The following RICTOR variants were observed in gnomAD, a reference collection of about 807,000 sequenced individuals.
The protein encoded by RICTOR is RPTOR independent companion of MTOR complex 2.
A neutral mutation model predicts 214.9 loss-of-function variants in RICTOR; 49 were observed. The observed-to-expected ratio is 0.23, with a 90% CI of 0.18 to 0.29. The LOEUF (loss-of-function observed/expected upper bound fraction) is 0.29. RICTOR is among the 10% of genes least tolerant of loss of function. RICTOR has a pLI of 1.00. For synonymous variants in RICTOR, 717 were observed against 711.3 expected, an observed-to-expected ratio of 1.01 and a Z score of -0.13; for missense variants, 1,625 against 2,047.0, an observed-to-expected ratio of 0.79 and a Z score of 3.98.
chr5:39,054,339 C>A (rs893105931), intron 2 of RICTOR, among the ~76,000 whole-genome samples: 2 of 151,644 alleles, frequency 1.3e-5, no homozygotes, highest in Non-Finnish European at 2.9e-5. Flanking sequence ...ATAGGTGGGA[C>A]GACAGTGGCA....
rs569665290 is a variant in RICTOR at position 38,992,604 on chromosome 5, T to C, written c.457-1529A>G. 3.8e-3 allele frequency among the ~76,000 whole-genome samples: 572 copies of C among 152,320 alleles called. 5 individuals are homozygous for C. The highest frequency in any genetic ancestry group is 0.013 in the African/African-American group (546 of 41,576). On this transcript the variant is annotated intron_variant, in intron 6 of 37. Transcript: ENST00000357387. ...CTAAAGTTTCAAGTATAAAATTCTA[T>C]ATAAATCTTGTGTCTACTAAACATA...
chr5:39,054,880 T>A (rs971705707), intron 2 of RICTOR, among the ~76,000 whole-genome samples: 1 of 152,326 alleles, frequency 6.6e-6, no homozygotes, highest in Middle Eastern at 3.4e-3. Flanking sequence ...ACACATCACT[T>A]ACAAGGAAAT....
At position 38,944,558 on chromosome 5, in the gene RICTOR, T is replaced by C. The variant is rs1747959372; in HGVS notation, c.4801A>G (p.Ile1601Val). 2 of 1,599,834 alleles carry C rather than the reference T, an allele frequency of 1.3e-6. No individual in the cohort carries two copies. The highest frequency in any genetic ancestry group is 1.7e-6 in the Non-Finnish European group (2 of 1,175,474). Residue 1601 changes from isoleucine to valine, a missense_variant, in exon 36 of 38, where the codon ATT becomes GTT. By Grantham distance (29) the Ile-to-Val change is conservative. This residue lies in a region of RICTOR where 1,214 missense variants were observed against 1,470.5 expected (regional missense o/e 0.83). Coordinates refer to ENST00000357387, the MANE Select transcript of RICTOR (RefSeq NM_152756.5). ...CGGCACATTGGTGTATCATCTGGAA[T>C]TGTTTTAACACCTGAAAAGATTTCA... is the stretch of plus-strand genomic sequence containing the variant. ...STELLLGVKT[I>V]PDDTPMCRIL...
chr5:38,955,628 T>C lies in RICTOR; in HGVS notation c.2576A>G (p.Asp859Gly). The C allele has an allele frequency of 6.2e-7, 1 of 1,609,738 alleles. No individual in the cohort carries two copies. The highest frequency in any genetic ancestry group is 8.5e-7 in the Non-Finnish European group (1 of 1,176,086). Residue 859 changes from aspartate (D) to glycine (G), a missense_variant, in exon 26 of 38, where the codon GAT (aspartate) becomes GGT (glycine). Asp to Gly is a moderately conservative substitution (Grantham distance 94, BLOSUM62 -1). This residue lies in a region of RICTOR where 1,214 missense variants were observed against 1,470.5 expected (regional missense o/e 0.83). Coordinates refer to ENST00000357387, the MANE Select transcript of RICTOR (RefSeq NM_152756.5). ...ACTCCGACGAACATAGTTATCACCATCAACAGGCTTCCGGTAAGTAGTAAG... is the reference window on the plus strand; with the variant it reads ...ACTCCGACGAACATAGTTATCACCACCAACAGGCTTCCGGTAAGTAGTAAG... The part of the protein sequence containing the change: ...EALTTYRKPV[D>G]GDNYVRRSNQ...
intron 3 of RICTOR, among the ~76,000 whole-genome samples, chr5:39,011,711 G>C (rs1389611777): frequency 6.6e-6 from 1 of 152,176 alleles, no homozygotes; most frequent in Admixed American, 6.5e-5. Context: ...AAGGTTTAAT[G>C]ACTGCCATAT....
intron 2 of RICTOR, among the ~76,000 whole-genome samples, chr5:39,055,434 T>C (rs1245670967): frequency 1.6e-5 from 2 of 121,892 alleles, no homozygotes; most frequent in African/African-American, 3.3e-5. Context: ...CCCCACTCTT[T>C]TTCACATACC....
intron 3 of RICTOR, among the ~76,000 whole-genome samples, chr5:39,015,722 A>G (rs1290863399): frequency 6.6e-6 from 1 of 152,108 alleles, no homozygotes; most frequent in African/African-American, 2.4e-5. Flanking sequence ...CAGACTCACC[A>G]TCTTACAGTC....
At chr5:39,031,058 A>G (rs1756239198) in intron 2 of RICTOR, among the ~76,000 whole-genome samples, 1 of 152,184 alleles carries the variant, frequency 6.6e-6, no homozygotes, top group South Asian at 2.1e-4. Context: ...TAGGCTTCAT[A>G]CAAGGTTTTT....
intron 36 of RICTOR, chr5:38,944,203 C>G (rs1255147955): frequency 1.7e-6 from 1 of 577,174 alleles, no homozygotes; most frequent in East Asian, 3.9e-5. Context: ...TTTTGCAGAT[C>G]TCTTCAAAAG....
chr5:39,020,463 A>C (rs1457494105), intron 3 of RICTOR, among the ~76,000 whole-genome samples: 6 of 151,956 alleles, frequency 3.9e-5, no homozygotes, highest in Non-Finnish European at 8.8e-5. Context: ...CTCTACCAAC[A>C]AAAAAAACCC....
chr5:39,062,944 G>A (rs1344922500), intron 2 of RICTOR, among the ~76,000 whole-genome samples: 1 of 152,078 alleles, frequency 6.6e-6, no homozygotes, highest in Non-Finnish European at 1.5e-5. Flanking sequence ...CAAATATTCT[G>A]ACTGTCAGGT....
chr5:39,030,319 T>C (rs996778075), intron 2 of RICTOR, among the ~76,000 whole-genome samples: 1 of 151,912 alleles, frequency 6.6e-6, no homozygotes, highest in Non-Finnish European at 1.5e-5. Context: ...ATTAAAGGAG[T>C]CAGTACAAAT....
chr5:39,048,718 G>A (rs750332151), intron 2 of RICTOR, among the ~76,000 whole-genome samples: 2 of 152,128 alleles, frequency 1.3e-5, no homozygotes, highest in African/African-American at 2.4e-5. Context: ...GTGAATCACT[G>A]AATCTAAGGA....
At chr5:38,953,125 A>G in intron 28 of RICTOR, 34 bp from the exon 29 acceptor site, 2 of 1,374,808 alleles carry the variant, frequency 1.5e-6, no homozygotes, top group Non-Finnish European at 2.1e-6. Context: ...ATCAAATATA[A>G]GAGTCACTCT....
Position 38,995,400 on chromosome 5 carries a change from G to C in RICTOR, c.456+1419C>G, listed in dbSNP as rs1031780550. On this transcript the variant is annotated intron_variant, in intron 6 of 37. Transcript: ENST00000357387. ...GGCATATGAATGATATAATTAACTTGGGGACCAGAGGTGGGGGGAGTTTGG... is the reference window on the plus strand; with the variant it reads ...GGCATATGAATGATATAATTAACTTCGGGACCAGAGGTGGGGGGAGTTTGG... Among the ~76,000 whole-genome samples, 5 of 151,998 alleles carry C rather than the reference G, an allele frequency of 3.3e-5. No individual in the cohort carries two copies. The East Asian group carries it at 9.7e-4, about 29-fold the overall frequency.
At chr5:38,972,799 G>GTATGGA (rs991230262) in intron 10 of RICTOR, among the ~76,000 whole-genome samples, 1 of 150,252 alleles carries the variant, frequency 6.7e-6, no homozygotes, top group Non-Finnish European at 1.5e-5. Context: ...AAAAAAGTTT[G>GTATGGA]TATGGAATTG....
intron 19 of RICTOR, among the ~76,000 whole-genome samples, chr5:38,961,899 G>T (rs981905076): frequency 1.9e-4 from 29 of 152,110 alleles, no homozygotes; most frequent in South Asian, 4.1e-4. Flanking sequence ...CATTTGCACG[G>T]GTTATGGAAG....
At chr5:39,064,918 G>C (rs1178150570) in intron 2 of RICTOR, among the ~76,000 whole-genome samples, 1 of 152,126 alleles carries the variant, frequency 6.6e-6, no homozygotes, top group Non-Finnish European at 1.5e-5. Flanking sequence ...TAGAGGTGAG[G>C]AAATTGAAGC....
intron 26 of RICTOR, 34 bp downstream of exon 26, chr5:38,955,561 G>A (rs1323229294): frequency 9.5e-7 from 1 of 1,054,692 alleles, no homozygotes; most frequent in Non-Finnish European, 1.5e-6. Flanking sequence ...AATTTATGAT[G>A]AACTAGTTTT....
Sources: gnomAD v4.1 joint callset for allele counts (sites outside exome capture counted in the v4.1 genomes callset) on GRCh38, gnomAD v4.1.1 for gene constraint, gnomAD v4.1.1 regional missense constraint, MANE v1.5 for transcripts, NCBI Gene and HGNC (gene_info 2026-07-23, HGNC 2026-07-21) for gene names.